Variants in THEMIS observed in about 807,000 individuals in gnomAD.
THEMIS encodes protein THEMIS.
In THEMIS, 37 loss-of-function variants were observed where a neutral mutation model predicts 52.6. The ratio of observed to expected loss-of-function variants is 0.70; its 90% confidence interval spans 0.54 to 0.93. The LOEUF (loss-of-function observed/expected upper bound fraction) is 0.93. Ranked by LOEUF, THEMIS falls within the 40% of genes least tolerant of loss-of-function variation. The probability of loss-of-function intolerance (pLI) is 0.00; values close to 1 mark genes in which losing one functional copy is unlikely to be tolerated. For synonymous variants in THEMIS, 292 were observed against 272.7 expected (o/e 1.07, Z -0.70); for missense variants, 808 against 763.1 (o/e 1.06, Z -0.69).
At chr6:127,753,154 G>C (rs566886197) in intron 4 of THEMIS, among the ~76,000 whole-genome samples, 1 of 151,770 alleles carries the variant, frequency 6.6e-6, no homozygotes, top group Non-Finnish European at 1.5e-5. Flanking sequence ...GGTGTAAAAG[G>C]AACATACCTC....
At chr6:127,859,957 G>A (rs1170251822) in intron 1 of THEMIS, among the ~76,000 whole-genome samples, 2 of 152,060 alleles carry the variant, frequency 1.3e-5, no homozygotes, top group East Asian at 3.9e-4. Flanking sequence ...TTATCAAGAA[G>A]GAGCATCCCT....
downstream of THEMIS, among the ~76,000 whole-genome samples, chr6:127,707,695 C>A (rs556978897): frequency 4.1e-4 from 63 of 152,162 alleles, no homozygotes; most frequent in African/African-American, 1.5e-3. Flanking sequence ...CTGACTCTCC[C>A]CAGCGTTTTA....
intron 4 of THEMIS, among the ~76,000 whole-genome samples, chr6:127,780,484 A>G (rs774919474): frequency 1.3e-5 from 2 of 152,148 alleles, no homozygotes; most frequent in African/African-American, 2.4e-5. Context: ...CAGTTTCTTC[A>G]TAGTGTTGAT....
At chr6:127,766,087 C>A (rs78595707) in intron 4 of THEMIS, among the ~76,000 whole-genome samples, 3,399 of 152,202 alleles carry the variant, frequency 0.022, 77 homozygotes, top group Non-Finnish European at 0.035. Context: ...GCACTCCTGA[C>A]TTTCAATTGA....
chr6:127,912,842 G>T (rs1231910352), intron 1 of THEMIS, among the ~76,000 whole-genome samples: 1 of 152,162 alleles, frequency 6.6e-6, no homozygotes, highest in East Asian at 1.9e-4. Flanking sequence ...TTATAATAGT[G>T]CCTGTAGGCC....
chr6:127,865,243 T>C (rs745623071), intron 1 of THEMIS, among the ~76,000 whole-genome samples: 2 of 152,126 alleles, frequency 1.3e-5, no homozygotes, highest in Non-Finnish European at 2.9e-5. Flanking sequence ...AATCACCTTG[T>C]TAGCATGAGC....
At chr6:127,878,696 AATAAG>A (rs1185092659) in intron 1 of THEMIS, among the ~76,000 whole-genome samples, 8 of 152,200 alleles carry the variant, frequency 5.3e-5, no homozygotes, top group African/African-American at 1.7e-4. Flanking sequence ...ACTCTTAATA[AATAAG>A]ATGAGATTAA....
chr6:127,856,436 G>T (rs1779620717), intron 1 of THEMIS, among the ~76,000 whole-genome samples: 2 of 151,890 alleles, frequency 1.3e-5, no homozygotes, highest in South Asian at 2.1e-4. Flanking sequence ...GGCAACCAAA[G>T]AAAATAAATG....
At chr6:127,864,385 G>A (rs1265174258) in intron 1 of THEMIS, among the ~76,000 whole-genome samples, 1 of 152,064 alleles carries the variant, frequency 6.6e-6, no homozygotes, top group Non-Finnish European at 1.5e-5. Flanking sequence ...GTTTCTTATT[G>A]AGAGAAGTAA....
chr6:127,864,942 C>G (rs1278831082), intron 1 of THEMIS, among the ~76,000 whole-genome samples: 1 of 152,158 alleles, frequency 6.6e-6, no homozygotes, highest in Non-Finnish European at 1.5e-5. Flanking sequence ...AGAAATCAGG[C>G]ACAGGTTTCC....
intron 3 of THEMIS, among the ~76,000 whole-genome samples, chr6:127,826,882 C>T (rs562909649): frequency 1.3e-5 from 2 of 151,914 alleles, no homozygotes; most frequent in South Asian, 4.2e-4. Flanking sequence ...GGGTTCAGAC[C>T]TATGACAGAG....
At chr6:127,902,991 C>A (rs1781182468), upstream of THEMIS, among the ~76,000 whole-genome samples, 1 of 152,064 alleles carries the variant, frequency 6.6e-6, no homozygotes, top group African/African-American at 2.4e-5. Flanking sequence ...ATTACCTAGG[C>A]TCCATCTGCT....
chr6:127,787,880 T>TATAG (rs1554224618), intron 4 of THEMIS, among the ~76,000 whole-genome samples: 1,511 of 119,940 alleles, frequency 0.013, 18 homozygotes, highest in Middle Eastern at 0.031. Flanking sequence ...GATAGATAGA[T>TATAG]ATAGATAGAT....
chr6:127,829,481 A>G lies in THEMIS; in HGVS notation c.704T>C (p.Met235Thr), dbSNP rs755014751. The G allele has an allele frequency of 2.5e-6, 4 of 1,598,962 alleles. No homozygotes were observed. The South Asian group carries it at 3.4e-5, about 14-fold the overall frequency. The change falls in exon 3 of 6, where the codon ATG becomes ACG. Residue 235 changes from methionine to threonine, a missense_variant. By Grantham distance (81) the Met-to-Thr change is moderately conservative (BLOSUM62 -1). Coordinates refer to ENST00000368248, the MANE Select transcript of THEMIS (RefSeq NM_001010923.3). ...CATTCTCAGTGGATACTCACATTTCATCACACCTTGAATTTCATAAACAGG... is the reference window on the plus strand; with the variant it reads ...CATTCTCAGTGGATACTCACATTTCGTCACACCTTGAATTTCATAAACAGG... ...LKPVYEIQGVMKFRKDIIRIL... is the reference protein window; with the variant it reads ...LKPVYEIQGVTKFRKDIIRIL...
chr6:127,740,701 A>G (rs1405756206), intron 4 of THEMIS, among the ~76,000 whole-genome samples: 1 of 152,134 alleles, frequency 6.6e-6, no homozygotes, highest in East Asian at 1.9e-4. Context: ...AGAAGAAGAG[A>G]ATTTATATAT....
chr6:127,700,110 TC>T, the THEMIS span, among the ~76,000 whole-genome samples: 1 of 151,810 alleles, frequency 6.6e-6, no homozygotes, highest in Non-Finnish European at 1.5e-5. Flanking sequence ...CAAGTTTCAA[TC>T]ATAATAAAAA....
At chr6:127,721,991 A>G (rs904639471) in intron 4 of THEMIS, among the ~76,000 whole-genome samples, 1 of 152,030 alleles carries the variant, frequency 6.6e-6, no homozygotes, top group African/African-American at 2.4e-5. Flanking sequence ...TGCTGAGTTT[A>G]TTTACTCATA....
intron 4 of THEMIS, among the ~76,000 whole-genome samples, chr6:127,751,061 T>C (rs1386998446): frequency 6.6e-6 from 1 of 151,756 alleles, no homozygotes; most frequent in Non-Finnish European, 1.5e-5. Context: ...TATAGTCAAA[T>C]CTAAAATATT....
intron 2 of THEMIS, among the ~76,000 whole-genome samples, chr6:127,846,000 A>G (rs928754513): frequency 1.3e-5 from 2 of 151,930 alleles, no homozygotes; most frequent in African/African-American, 2.4e-5. Flanking sequence ...CTAAGCTAGA[A>G]TTTTCAATTA....
Sources: allele counts gnomAD v4.1 joint callset (sites outside exome capture counted in the v4.1 genomes callset), GRCh38; gene constraint gnomAD v4.1.1; transcripts MANE v1.5; gene names NCBI Gene and HGNC (gene_info 2026-07-23, HGNC 2026-07-21).